MEMO1: variants seen among roughly 807,000 people sequenced by gnomAD.
MEMO1 encodes the protein mediator of cell motility 1.
A neutral mutation model predicts 45.2 loss-of-function variants in MEMO1; 6 were observed. The observed-to-expected ratio is 0.13, with a 90% CI of 0.07 to 0.26. The LOEUF is 0.26. Among genes scored for constraint, MEMO1 ranks in the 10% least tolerant of loss-of-function variants. MEMO1 has a pLI of 1.00. For missense variants in MEMO1, 184 were observed against 370.5 expected, an observed-to-expected ratio of 0.50 and a Z score of 4.13; for synonymous variants, 78 against 124.3, an observed-to-expected ratio of 0.63 and a Z score of 2.48.
At chr2:31,904,934 A>G (rs1252135704) in intron 6 of MEMO1, among the ~76,000 whole-genome samples, 1 of 152,200 alleles carries the variant, frequency 6.6e-6, no homozygotes, top group African/African-American at 2.4e-5. Flanking sequence ...AAAATAAACT[A>G]CAGAGATCCA....
At chr2:31,991,380 T>G (rs908205827) in intron 2 of MEMO1, among the ~76,000 whole-genome samples, 7 of 152,134 alleles carry the variant, frequency 4.6e-5, no homozygotes, top group Admixed American at 4.6e-4. Flanking sequence ...GAGACCAGCA[T>G]GACCAACACG....
intron 6 of MEMO1, among the ~76,000 whole-genome samples, chr2:31,907,342 T>C (rs535689482): frequency 3.9e-5 from 6 of 152,324 alleles, no homozygotes; most frequent in South Asian, 2.1e-4. Context: ...AGAAAACAAA[T>C]AGGGTGTTTC....
At chr2:32,001,647 A>C (rs1169057941) in intron 2 of MEMO1, among the ~76,000 whole-genome samples, 1 of 151,976 alleles carries the variant, frequency 6.6e-6, no homozygotes, top group East Asian at 1.9e-4. Context: ...AGCCTCCTCC[A>C]AGTCTTAGTT....
At chr2:31,955,096 GC>G (rs1667258489) in intron 2 of MEMO1, among the ~76,000 whole-genome samples, 1 of 151,966 alleles carries the variant, frequency 6.6e-6, no homozygotes, top group Non-Finnish European at 1.5e-5. Context: ...ACAAAAATTA[GC>G]CGGGTGTGGT....
chr2:31,885,047 A>T (rs1170247848), intron 7 of MEMO1, among the ~76,000 whole-genome samples: 5 of 152,228 alleles, frequency 3.3e-5, no homozygotes, highest in Admixed American at 3.3e-4. Context: ...ATTTTTCTGT[A>T]AAGAATGTAT....
At chr2:31,958,159 G>C (rs1346088227) in intron 2 of MEMO1, among the ~76,000 whole-genome samples, 1 of 151,994 alleles carries the variant, frequency 6.6e-6, no homozygotes, top group Non-Finnish European at 1.5e-5. Context: ...TTCTGATATT[G>C]ATAAATTAGG....
At chr2:31,975,816 CT>C (rs1669942055) in intron 2 of MEMO1, among the ~76,000 whole-genome samples, 1 of 152,170 alleles carries the variant, frequency 6.6e-6, no homozygotes, top group Admixed American at 6.5e-5. Context: ...ATACAAATCA[CT>C]TTCTCTTCAA....
At chr2:31,937,249 A>G (rs1360352174) in intron 3 of MEMO1, among the ~76,000 whole-genome samples, 1 of 152,222 alleles carries the variant, frequency 6.6e-6, no homozygotes, top group Non-Finnish European at 1.5e-5. Context: ...TATTCAGAAT[A>G]TTTTATTTTT....
chr2:31,967,082 T>G (rs985697353), intron 2 of MEMO1, among the ~76,000 whole-genome samples: 5 of 152,016 alleles, frequency 3.3e-5, no homozygotes, highest in Non-Finnish European at 5.9e-5. Flanking sequence ...GTGAGAAATA[T>G]TAATAGGTCC....
chr2:31,893,644 TAGGTA>T (rs1677277896), intron 6 of MEMO1, among the ~76,000 whole-genome samples: 1 of 152,154 alleles, frequency 6.6e-6, no homozygotes, highest in African/African-American at 2.4e-5. Context: ...GTTCAGAGCA[TAGGTA>T]AGTTCCCGAA....
chr2:32,007,856 T>G (rs1054610777), intron 2 of MEMO1, among the ~76,000 whole-genome samples: 2 of 152,248 alleles, frequency 1.3e-5, no homozygotes, highest in African/African-American at 4.8e-5. Flanking sequence ...GCACTTCATT[T>G]ATTTTTAAAA....
intron 2 of MEMO1, among the ~76,000 whole-genome samples, chr2:31,956,215 C>CAGT (rs1667395204): frequency 6.6e-6 from 1 of 151,668 alleles, no homozygotes; most frequent in African/African-American, 2.4e-5. Context: ...CAGGATAATT[C>CAGT]AGTACTCAAA....
intron 6 of MEMO1, among the ~76,000 whole-genome samples, chr2:31,913,582 T>C (rs1441272274): frequency 6.6e-6 from 1 of 151,792 alleles, no homozygotes; most frequent in African/African-American, 2.4e-5. Flanking sequence ...AAAAAGAACA[T>C]TTGATCCACT....
At chr2:31,923,692 A>G (rs1275916484) in intron 4 of MEMO1, 1 of 1,548,546 alleles carries the variant, frequency 6.5e-7, no homozygotes, top group Non-Finnish European at 8.7e-7. Context: ...ATATGAAAAG[A>G]CAGAGAGAAA....
intron 3 of MEMO1, among the ~76,000 whole-genome samples, chr2:31,938,718 G>A (rs984662100): frequency 5.3e-5 from 8 of 151,364 alleles, no homozygotes; most frequent in Non-Finnish European, 1.2e-4. Context: ...AAAACTTAAA[G>A]TAAGTTTTTG....
chr2:31,973,633 C>T (rs1403162046), intron 2 of MEMO1, among the ~76,000 whole-genome samples: 1 of 152,024 alleles, frequency 6.6e-6, no homozygotes, highest in Non-Finnish European at 1.5e-5. Flanking sequence ...ATTATTCAGT[C>T]ATAAAAAAGA....
intron 6 of MEMO1, among the ~76,000 whole-genome samples, chr2:31,916,694 G>T (rs1681495747): frequency 1.3e-5 from 2 of 152,132 alleles, no homozygotes; most frequent in African/African-American, 2.4e-5. Flanking sequence ...TGAAGAATTA[G>T]GATGTATTAA....
chr2:31,996,203 A>AG (rs1469935103), intron 2 of MEMO1, among the ~76,000 whole-genome samples: 4 of 151,506 alleles, frequency 2.6e-5, no homozygotes, highest in African/African-American at 7.3e-5. Context: ...AGAGAGACAG[A>AG]GGGGGAGAGA....
intron 2 of MEMO1, among the ~76,000 whole-genome samples, chr2:31,983,825 T>A (rs1254705713): frequency 6.6e-6 from 1 of 152,210 alleles, no homozygotes; most frequent in South Asian, 2.1e-4. Flanking sequence ...CAGGAAAATA[T>A]AAGATGAGCT....
Sources: allele counts gnomAD v4.1 joint callset (sites outside exome capture counted in the v4.1 genomes callset), GRCh38; gene constraint gnomAD v4.1.1; transcripts MANE v1.5; gene names NCBI Gene and HGNC (gene_info 2026-07-23, HGNC 2026-07-21).